Variants in DOCK1 observed in about 807,000 individuals in gnomAD.
DOCK1 encodes dedicator of cytokinesis 1, also known as dedicator of cytokinesis protein 1.
A neutral mutation model predicts 262.7 loss-of-function variants in DOCK1; 138 were observed. That is an observed-to-expected ratio of 0.53 (90% confidence interval 0.46 to 0.61). The LOEUF (loss-of-function observed/expected upper bound fraction) is 0.61, where lower values mean the gene tolerates loss of function less well. Ranked by LOEUF, DOCK1 falls within the 20% of genes least tolerant of loss-of-function variation. The pLI is 0.00. For missense variants in DOCK1, 1,908 were observed against 2,370.7 expected (o/e 0.80, Z 4.05); for synonymous variants, 866 against 867.4 (o/e 1.00, Z 0.03).
intron 1 of DOCK1, among the ~76,000 whole-genome samples, chr10:126,959,056 G>GT (rs1266608866): frequency 3.3e-5 from 5 of 152,164 alleles, no homozygotes; most frequent in Non-Finnish European, 5.9e-5. Context: ...CCAGGCTGTA[G>GT]GTGAATTTAA....
rs542965505 is a variant in DOCK1 at position 127,337,198 on chromosome 10, C to G, written c.3045-1808C>G. Among the ~76,000 whole-genome samples the G allele has an allele frequency of 4.6e-5, 7 of 152,254 alleles. No homozygotes were observed. In the South Asian group the frequency reaches 1.5e-3, roughly 32 times the overall value. ...AAGAAGGTGTTGTATTCCACTGACA[C>G]TTGGGGGCTTTTCTGTGATCTCTGG... On this transcript the variant is annotated intron_variant, in intron 29 of 51. Transcript: ENST00000623213.
intron 35 of DOCK1, 126 bp downstream of exon 35, chr10:127,374,340 G>T: frequency 8.0e-7 from 1 of 1,244,542 alleles, no homozygotes; most frequent in Non-Finnish European, 1.1e-6. Flanking sequence ...AATCTCCTTC[G>T]CTTGTTTCCT....
chr10:127,041,069 C>G (rs1009366847), intron 19 of DOCK1, among the ~76,000 whole-genome samples: 1 of 152,098 alleles, frequency 6.6e-6, no homozygotes, highest in Non-Finnish European at 1.5e-5. Flanking sequence ...TTATTCATGC[C>G]GTAGTGACTA....
chr10:127,292,342 G>A (rs917757700), intron 29 of DOCK1, among the ~76,000 whole-genome samples: 2 of 152,244 alleles, frequency 1.3e-5, no homozygotes, highest in South Asian at 2.1e-4. Flanking sequence ...TAGTGACTCA[G>A]GCAGCCCTGC....
chr10:126,940,671 T>C (rs2034916595), intron 1 of DOCK1, among the ~76,000 whole-genome samples: 1 of 152,342 alleles, frequency 6.6e-6, no homozygotes, highest in African/African-American at 2.4e-5. Flanking sequence ...CCCAAAGTGC[T>C]GGGATTATAG....
rs747319958 is a variant in DOCK1, at chr10:126,981,950, A to C, written c.204A>C (p.Lys68Asn). The C allele has an allele frequency of 6.2e-7, 1 of 1,613,662 alleles. No homozygotes were observed. The highest frequency in any genetic ancestry group is 1.1e-5 in the South Asian group (1 of 90,994). ...GIFPASYIHL[K>N]EAIVEGKGQH... is the part of the protein sequence containing the mutation. ...TTCCTGCTTCATATATTCATCTTAA[A>C]GAAGCGATAGTTGAAGGAAAAGGGT... The change falls in exon 4 of 52, where the codon AAA (lysine) becomes AAC (asparagine). Residue 68 changes from lysine to asparagine, a missense_variant. By Grantham distance (94) the Lys-to-Asn change is moderately conservative (BLOSUM62 0). Around this residue, in one of 9 missense-constraint regions of DOCK1, gnomAD observed 227 missense variants for 254.1 expected, o/e 0.89. Transcript: ENST00000623213.
At position 126,945,157 on chromosome 10, in the gene DOCK1, T is replaced by G. The variant is rs903887237; in HGVS notation, c.47-25545T>G. ...TGGCCAGAAAACGTTTTTTATCCAGTTTCTGTGTGGCTTAGCTGGGCCCCC... is the reference window on the plus strand; with the variant it reads ...TGGCCAGAAAACGTTTTTTATCCAGGTTCTGTGTGGCTTAGCTGGGCCCCC... On this transcript the variant is annotated intron_variant, in intron 1 of 51. Transcript: ENST00000623213. Among the ~76,000 whole-genome samples, 1,033 of 152,172 alleles carry G rather than the reference T, an allele frequency of 6.8e-3. 8 individuals carry two copies. The highest frequency in any genetic ancestry group is 0.024 in the African/African-American group (987 of 41,540).
intron 27 of DOCK1, among the ~76,000 whole-genome samples, chr10:127,218,300 A>G (rs1183257600): frequency 1.3e-5 from 2 of 152,244 alleles, no homozygotes; most frequent in African/African-American, 4.8e-5. Context: ...GCAATGGTAG[A>G]GCCAGAGAAC....
chr10:127,396,695 T>A lies in DOCK1; in HGVS notation c.3928-6360T>A, dbSNP rs1326473326. Among the ~76,000 whole-genome samples, 16 of 151,096 alleles carry A rather than the reference T, an allele frequency of 1.1e-4. No homozygotes were observed. In the East Asian group the frequency reaches 3.1e-3, roughly 29 times the overall value. On this transcript the variant is annotated intron_variant, in intron 38 of 51. Transcript: ENST00000623213. ...GCTGCCTGCTTTAGTCTTTTCAAGG[T>A]CTTTCTTTGCAAAACTACAAATGTC...
At chr10:127,080,604 G>T (rs1172372176) in intron 23 of DOCK1, among the ~76,000 whole-genome samples, 2 of 152,060 alleles carry the variant, frequency 1.3e-5, no homozygotes, top group African/African-American at 2.4e-5. Context: ...GGCACACCTG[G>T]CTCATGACAT....
chr10:127,020,410 G>C (rs576310329), intron 13 of DOCK1, among the ~76,000 whole-genome samples: 400 of 152,046 alleles, frequency 2.6e-3, no homozygotes, highest in African/African-American at 9.4e-3. Flanking sequence ...CTAAGTCTAG[G>C]CCCGGCGTGG....
At chr10:127,426,521 A>G (rs963221119) in intron 47 of DOCK1, among the ~76,000 whole-genome samples, 3 of 152,178 alleles carry the variant, frequency 2.0e-5, no homozygotes, top group African/African-American at 7.2e-5. Flanking sequence ...AGATTTACCT[A>G]TTGTAGGAAG....
At chr10:127,261,353 G>A (rs1338367427) in intron 29 of DOCK1, among the ~76,000 whole-genome samples, 9 of 138,930 alleles carry the variant, frequency 6.5e-5, no homozygotes, top group Non-Finnish European at 1.4e-4. Flanking sequence ...GTGTACCCGT[G>A]CTCATCTGTG....
At chr10:126,941,709 C>T (rs953445435) in intron 1 of DOCK1, among the ~76,000 whole-genome samples, 7 of 151,942 alleles carry the variant, frequency 4.6e-5, no homozygotes, top group South Asian at 2.1e-4. Context: ...GAGCCGAGAT[C>T]GTGCCACTGC....
chr10:126,911,743 A>T (rs1303359991), intron 1 of DOCK1, among the ~76,000 whole-genome samples: 2 of 152,072 alleles, frequency 1.3e-5, no homozygotes, highest in Non-Finnish European at 2.9e-5. Context: ...TGCTTCACTG[A>T]GGTTGGGCTG....
intron 33 of DOCK1, among the ~76,000 whole-genome samples, chr10:127,370,651 G>T (rs1256485009): frequency 1.3e-5 from 2 of 152,182 alleles, no homozygotes; most frequent in East Asian, 3.9e-4. Context: ...ATAGCCTATG[G>T]TTAGCTGTGG....
In DOCK1 at chr10:127,451,732, T is replaced by A. The variant is rs1565102740; in HGVS notation, c.*305T>A. Reference sequence around the variant, plus strand: ...GTCTTGCCCAAACATTCTTTCTTTTTGTGCCAAATGACTTGCATTTGCAAA... The same window carrying A: ...GTCTTGCCCAAACATTCTTTCTTTTAGTGCCAAATGACTTGCATTTGCAAA... On this transcript the variant is annotated 3_prime_UTR_variant, in exon 52 of 52. Coordinates refer to ENST00000623213, the MANE Select transcript of DOCK1 (RefSeq NM_001290223.2). 2.4e-6 allele frequency: 1 copy of A among 421,942 alleles called. No homozygotes were observed. Among genetic ancestry groups the A allele is most frequent in the East Asian group, 6.3e-5 (1 of 15,856 alleles). 26.1% of individuals were successfully genotyped at this position (421,942 alleles called of 1,614,324 possible). A position where few individuals can be genotyped will look rare whatever the true frequency, so the allele number is the denominator to read the frequency against.
intron 27 of DOCK1, among the ~76,000 whole-genome samples, chr10:127,238,013 T>C (rs1179436981): frequency 1.3e-5 from 2 of 152,212 alleles, no homozygotes; most frequent in Non-Finnish European, 2.9e-5. Context: ...TAAACTTTCT[T>C]TTCTGACATA....
chr10:127,420,644 T>C (rs1470697023), intron 46 of DOCK1, among the ~76,000 whole-genome samples: 1 of 152,052 alleles, frequency 6.6e-6, no homozygotes. Flanking sequence ...CCAGAGATGC[T>C]GTGCAGTTGA....
Sources: allele counts gnomAD v4.1 joint callset (sites outside exome capture counted in the v4.1 genomes callset), GRCh38; gene constraint gnomAD v4.1.1; regional missense constraint gnomAD v4.1.1; transcripts MANE v1.5; gene names NCBI Gene and HGNC (gene_info 2026-07-23, HGNC 2026-07-21).